The following ADGRB3 variants were observed in gnomAD, a reference collection of about 807,000 sequenced individuals.
ADGRB3 encodes adhesion G protein-coupled receptor B3.
In ADGRB3, 37 loss-of-function variants were observed where a neutral mutation model predicts 193.4. That is an observed-to-expected ratio of 0.19 (90% CI 0.15 to 0.25). The LOEUF is 0.25. ADGRB3 is among the 10% of genes least tolerant of loss of function. ADGRB3 has a pLI of 1.00. For synonymous variants in ADGRB3, 690 were observed against 644.2 expected (o/e 1.07, Z -1.08); for missense variants, 1,637 against 1,852.9 (o/e 0.88, Z 2.14).
intron 17 of ADGRB3, among the ~76,000 whole-genome samples, chr6:69,156,193 T>C (rs1284643262): frequency 6.6e-6 from 1 of 152,168 alleles, no homozygotes; most frequent in Non-Finnish European, 1.5e-5. Flanking sequence ...AAAATGAACA[T>C]GGTTCCTGCC....
chr6:68,938,544 C>T (rs143427343), intron 5 of ADGRB3, among the ~76,000 whole-genome samples: 9 of 150,970 alleles, frequency 6.0e-5, no homozygotes, highest in Middle Eastern at 3.4e-3. Flanking sequence ...GTGCTGAGAA[C>T]ATTTAACATC....
At chr6:68,693,464 A>G (rs1170714145) in intron 3 of ADGRB3, among the ~76,000 whole-genome samples, 2 of 152,006 alleles carry the variant, frequency 1.3e-5, no homozygotes, top group Non-Finnish European at 2.9e-5. Flanking sequence ...GGCTTCTCTG[A>G]TGACTCAGCT....
intron 3 of ADGRB3, among the ~76,000 whole-genome samples, chr6:68,884,722 G>A (rs9363974): frequency 0.12 from 17,908 of 152,002 alleles, 1,978 homozygotes; most frequent in East Asian, 0.57. Flanking sequence ...GGAGTTGTGC[G>A]CAATACACAA....
intron 3 of ADGRB3, among the ~76,000 whole-genome samples, chr6:68,805,245 T>C (rs1043584155): frequency 6.6e-6 from 1 of 152,262 alleles, no homozygotes; most frequent in Non-Finnish European, 1.5e-5. Flanking sequence ...TCAGCCATTC[T>C]AATGTTATTT....
rs118004079 is a variant in ADGRB3 at position 69,240,981 on chromosome 6, T to A, written c.2814+1755T>A. 6.6e-5 allele frequency among the ~76,000 whole-genome samples: 10 copies of A among 152,074 alleles called. No individual in the cohort carries two copies. In the East Asian group the frequency reaches 1.9e-3, roughly 29 times the overall value. Reference sequence around the variant, plus strand: ...TTAAGTTTTTTTCACAAAACATTCTTCCTTTTCTGCCATTTTTTACTCTCC... The same window carrying A: ...TTAAGTTTTTTTCACAAAACATTCTACCTTTTCTGCCATTTTTTACTCTCC... On this transcript the variant is annotated intron_variant, in intron 20 of 31. Transcript: ENST00000370598.
At chr6:69,340,852 A>G (rs1308400138) in intron 26 of ADGRB3, among the ~76,000 whole-genome samples, 1 of 152,160 alleles carries the variant, frequency 6.6e-6, no homozygotes, top group African/African-American at 2.4e-5. Flanking sequence ...CTAATGAATA[A>G]GGACATGCAG....
At chr6:69,386,896 A>G (rs1426349847) in intron 31 of ADGRB3, among the ~76,000 whole-genome samples, 1 of 152,100 alleles carries the variant, frequency 6.6e-6, no homozygotes, top group African/African-American at 2.4e-5. Flanking sequence ...AGATATAAAT[A>G]TTAACATGTT....
At chr6:68,727,971 C>T (rs891369858) in intron 3 of ADGRB3, among the ~76,000 whole-genome samples, 1 of 151,428 alleles carries the variant, frequency 6.6e-6, no homozygotes, top group Non-Finnish European at 1.5e-5. Flanking sequence ...AATAATCAAG[C>T]ATTTATTTCT....
At chr6:68,715,210 C>T (rs1367076580) in intron 3 of ADGRB3, among the ~76,000 whole-genome samples, 1 of 151,332 alleles carries the variant, frequency 6.6e-6, no homozygotes, top group East Asian at 1.9e-4. Context: ...GCATCAGAGA[C>T]TTGACTGGAT....
intron 30 of ADGRB3, among the ~76,000 whole-genome samples, chr6:69,382,253 G>T (rs1051962129): frequency 2.0e-5 from 3 of 151,828 alleles, no homozygotes; most frequent in African/African-American, 7.2e-5. Context: ...CTATGGGTCA[G>T]ATTTTCCCCC....
At chr6:69,325,138 A>C in intron 21 of ADGRB3, 116 bp downstream of exon 21, 1 of 1,327,092 alleles carries the variant, frequency 7.5e-7, no homozygotes, top group South Asian at 1.5e-5. Flanking sequence ...AATCTATGGA[A>C]GTGAAAATAC....
At chr6:68,889,170 T>TG (rs1766001896) in intron 3 of ADGRB3, among the ~76,000 whole-genome samples, 1 of 152,230 alleles carries the variant, frequency 6.6e-6, no homozygotes, top group South Asian at 2.1e-4. Context: ...AACATTTCAG[T>TG]GGTGTTACTA....
chr6:69,077,716 G>C (rs897906655), intron 17 of ADGRB3, among the ~76,000 whole-genome samples: 1 of 151,946 alleles, frequency 6.6e-6, no homozygotes, highest in African/African-American at 2.4e-5. Context: ...TATCTGTCAC[G>C]AAGAATGTCT....
intron 17 of ADGRB3, among the ~76,000 whole-genome samples, chr6:69,085,733 G>T (rs1259244109): frequency 6.6e-6 from 1 of 151,596 alleles, no homozygotes; most frequent in Non-Finnish European, 1.5e-5. Flanking sequence ...GTAATTAAAG[G>T]TACCTAACAT....
intron 3 of ADGRB3, among the ~76,000 whole-genome samples, chr6:68,807,383 C>T (rs1326524630): frequency 2.0e-5 from 3 of 151,690 alleles, no homozygotes; most frequent in East Asian, 3.9e-4. Flanking sequence ...GGACTACAGG[C>T]GCCCCCCACC....
intron 3 of ADGRB3, among the ~76,000 whole-genome samples, chr6:68,891,855 C>G (rs1388141730): frequency 6.6e-6 from 1 of 152,076 alleles, no homozygotes; most frequent in Non-Finnish European, 1.5e-5. Flanking sequence ...ATGACAGAGC[C>G]AAGATCAATC....
At chr6:69,355,214 A>G (rs1245254077) in intron 27 of ADGRB3, among the ~76,000 whole-genome samples, 1 of 152,216 alleles carries the variant, frequency 6.6e-6, no homozygotes, top group East Asian at 1.9e-4. Context: ...TGCTTAAAAT[A>G]AAAGTTTTAG....
chr6:69,244,548 A>T (rs919367339), intron 20 of ADGRB3, among the ~76,000 whole-genome samples: 10 of 152,172 alleles, frequency 6.6e-5, no homozygotes, highest in African/African-American at 1.9e-4. Context: ...AAAATATTGA[A>T]CATGTATTTA....
intron 17 of ADGRB3, among the ~76,000 whole-genome samples, chr6:69,114,038 G>A (rs1245425064): frequency 1.3e-5 from 2 of 152,194 alleles, no homozygotes; most frequent in African/African-American, 4.8e-5. Flanking sequence ...CAAAGAATGA[G>A]ATTCTGGGAG....
Sources: gnomAD v4.1 joint callset for allele counts (sites outside exome capture counted in the v4.1 genomes callset) on GRCh38, gnomAD v4.1.1 for gene constraint, MANE v1.5 for transcripts, NCBI Gene and HGNC (gene_info 2026-07-23, HGNC 2026-07-21) for gene names.